Variants in KCNB2 observed in about 807,000 individuals in gnomAD.
The protein encoded by KCNB2 is potassium voltage-gated channel subfamily B member 2, also known as delayed rectifier potassium channel protein.
KCNB2 carries 15 observed loss-of-function variants against 61.5 expected under a neutral mutation model. The ratio of observed to expected loss-of-function variants is 0.24; its 90% confidence interval spans 0.16 to 0.38. The LOEUF is 0.38. Ranked by LOEUF, KCNB2 falls within the 10% of genes least tolerant of loss-of-function variation. KCNB2 has a pLI of 1.00. For synonymous variants in KCNB2, 457 were observed against 446.0 expected (o/e 1.02, Z -0.31); for missense variants, 828 against 1,125.2 (o/e 0.74, Z 3.78).
chr8:72,803,866 G>T (rs1252862116), intron 2 of KCNB2, among the ~76,000 whole-genome samples: 1 of 152,202 alleles, frequency 6.6e-6, no homozygotes, highest in Non-Finnish European at 1.5e-5. Context: ...GGAAGGAAGA[G>T]GTGAGTAGGC....
intron 1 of KCNB2, among the ~76,000 whole-genome samples, chr8:72,538,653 A>C (rs748921218): frequency 6.6e-6 from 1 of 152,214 alleles, no homozygotes; most frequent in Non-Finnish European, 1.5e-5. Flanking sequence ...AAAAAAATTT[A>C]GTATGCACAT....
intron 2 of KCNB2, among the ~76,000 whole-genome samples, chr8:72,679,592 A>T (rs1177203963): frequency 6.6e-6 from 1 of 152,196 alleles, no homozygotes; most frequent in Admixed American, 6.5e-5. Flanking sequence ...TTTCCATTCT[A>T]CTCCAAATAA....
At chr8:72,915,334 C>G (rs537750965) in intron 2 of KCNB2, among the ~76,000 whole-genome samples, 1 of 152,094 alleles carries the variant, frequency 6.6e-6, no homozygotes, top group South Asian at 2.1e-4. Flanking sequence ...CCACTCTATC[C>G]CAAACAGAAA....
intron 2 of KCNB2, among the ~76,000 whole-genome samples, chr8:72,719,597 A>G (rs1463899064): frequency 6.6e-6 from 1 of 152,106 alleles, no homozygotes; most frequent in Non-Finnish European, 1.5e-5. Flanking sequence ...CTATCTGCCT[A>G]AGTCATTATA....
At chr8:72,714,627 A>G (rs1277650667) in intron 2 of KCNB2, among the ~76,000 whole-genome samples, 1 of 152,164 alleles carries the variant, frequency 6.6e-6, no homozygotes, top group East Asian at 1.9e-4. Flanking sequence ...TTTTGTCACC[A>G]CCAGGCCTGC....
intron 2 of KCNB2, among the ~76,000 whole-genome samples, chr8:72,784,433 A>G (rs904485548): frequency 1.3e-5 from 2 of 152,128 alleles, no homozygotes; most frequent in African/African-American, 2.4e-5. Flanking sequence ...GTGTTAGTCT[A>G]TTCTCACTCT....
intron 2 of KCNB2, among the ~76,000 whole-genome samples, chr8:72,709,142 A>T (rs1201992467): frequency 6.6e-6 from 1 of 152,216 alleles, no homozygotes; most frequent in Non-Finnish European, 1.5e-5. Flanking sequence ...CAGCTGTTTG[A>T]GCCTAACCTC....
intron 2 of KCNB2, among the ~76,000 whole-genome samples, chr8:72,909,292 TAATC>T (rs1273525923): frequency 2.6e-5 from 4 of 152,004 alleles, no homozygotes; most frequent in African/African-American, 9.7e-5. Flanking sequence ...TGAGGAGAGT[TAATC>T]AAGGGAGAAG....
chr8:72,697,883 A>G (rs1563562849), intron 2 of KCNB2, among the ~76,000 whole-genome samples: 1 of 152,164 alleles, frequency 6.6e-6, no homozygotes, highest in Non-Finnish European at 1.5e-5. Flanking sequence ...ATCATCTGAC[A>G]GTTGTTAGAG....
Position 72,936,949 on chromosome 8 carries a change from C to T in KCNB2, c.1594C>T (p.Pro532Ser), listed in dbSNP as rs764955920. The T allele has an allele frequency of 4.3e-6, 7 of 1,614,188 alleles. No homozygotes were observed. The highest frequency in any genetic ancestry group is 5.9e-6 in the Non-Finnish European group (7 of 1,180,030). Residue 532 changes from proline to serine, a missense_variant, in exon 3 of 3, where the codon CCA becomes TCA. Pro to Ser is a moderately conservative substitution (Grantham distance 74). This residue lies in a region of KCNB2 where 559 missense variants were observed against 588.4 expected (regional missense o/e 0.95). Transcript: ENST00000523207. The surrounding 1 kb of genome is among the most constrained non-coding windows in gnomAD (Gnocchi z 5.6). ...EQLNNTSSSS[P>S]QHLSAQKLEM... Reference sequence around the variant, plus strand: ...GCTGAACAACACGTCTTCCTCCAGCCCACAGCATCTGAGTGCCCAGAAACT... The same window carrying T: ...GCTGAACAACACGTCTTCCTCCAGCTCACAGCATCTGAGTGCCCAGAAACT...
intron 1 of KCNB2, among the ~76,000 whole-genome samples, chr8:72,539,754 A>T (rs1806164256): frequency 6.6e-6 from 1 of 152,146 alleles, no homozygotes; most frequent in South Asian, 2.1e-4. Flanking sequence ...ACTATTTTGC[A>T]TTTCACTGTT....
intron 2 of KCNB2, among the ~76,000 whole-genome samples, chr8:72,642,516 A>T (rs1226398946): frequency 2.0e-5 from 3 of 152,094 alleles, no homozygotes; most frequent in East Asian, 3.9e-4. Flanking sequence ...GGAAAGGGAC[A>T]CAGTACCTTA....
In KCNB2 at chr8:72,937,543, C is replaced by G; in HGVS notation, c.2188C>G (p.Pro730Ala). Residue 730 changes from proline to alanine, a missense_variant, in exon 3 of 3, where the codon CCG (proline) becomes GCG (alanine). This residue lies in a region of KCNB2 where 559 missense variants were observed against 588.4 expected (regional missense o/e 0.95). Coordinates refer to ENST00000523207, the MANE Select transcript of KCNB2 (RefSeq NM_004770.3). ...AAATAGAGGCAGTGCACCACAGACCCCGCCCAGCACAGCCAGGCCACTGCC... is the reference window on the plus strand; with the variant it reads ...AAATAGAGGCAGTGCACCACAGACCGCGCCCAGCACAGCCAGGCCACTGCC... The part of the protein sequence containing the change: ...KENRGSAPQT[P>A]PSTARPLPVT... 6.2e-7 allele frequency: 1 copy of G among 1,613,922 alleles called. No homozygotes were observed. The highest frequency in any genetic ancestry group is 8.5e-7 in the Non-Finnish European group (1 of 1,179,934).
chr8:72,653,445 C>T (rs943006430), intron 2 of KCNB2, among the ~76,000 whole-genome samples: 68 of 146,152 alleles, frequency 4.7e-4, no homozygotes, highest in African/African-American at 1.7e-3. Flanking sequence ...TCTTATTCAG[C>T]TTTTATTTTT....
intron 2 of KCNB2, among the ~76,000 whole-genome samples, chr8:72,831,435 T>G (rs1354459972): frequency 6.6e-6 from 1 of 152,004 alleles, no homozygotes; most frequent in African/African-American, 2.4e-5. Flanking sequence ...GAAAAGAGAG[T>G]GTAAAACTCT....
At chr8:72,640,260 A>G (rs147332152) in intron 2 of KCNB2, among the ~76,000 whole-genome samples, 3 of 152,238 alleles carry the variant, frequency 2.0e-5, no homozygotes, top group Non-Finnish European at 4.4e-5. Context: ...TTCTCTAATA[A>G]TGGAAAGGTG....
intron 2 of KCNB2, among the ~76,000 whole-genome samples, chr8:72,734,670 T>C (rs1717999644): frequency 6.6e-6 from 1 of 152,272 alleles, no homozygotes; most frequent in African/African-American, 2.4e-5. Flanking sequence ...GCCCCCTGAA[T>C]GTCTTCAATA....
chr8:72,608,893 A>C (rs1024360049), intron 2 of KCNB2, among the ~76,000 whole-genome samples: 3 of 152,184 alleles, frequency 2.0e-5, no homozygotes, highest in Non-Finnish European at 1.5e-5. Context: ...CAACCATCCA[A>C]AGATCATAAA....
intron 2 of KCNB2, among the ~76,000 whole-genome samples, chr8:72,636,996 G>A (rs950716324): frequency 2.0e-5 from 3 of 152,102 alleles, no homozygotes; most frequent in African/African-American, 4.8e-5. Flanking sequence ...CTATTGAGTC[G>A]AAAGGTAAGA....
Sources: gnomAD v4.1 joint callset for allele counts (sites outside exome capture counted in the v4.1 genomes callset) on GRCh38, gnomAD v4.1.1 for gene constraint, gnomAD v4.1.1 regional missense constraint, Gnocchi (gnomAD v3.1) non-coding constraint, MANE v1.5 for transcripts, NCBI Gene and HGNC (gene_info 2026-07-23, HGNC 2026-07-21) for gene names.